Variants in MYO16 observed in about 807,000 individuals in gnomAD.
MYO16 encodes myosin XVI.
In MYO16, 94 loss-of-function variants were observed where a neutral mutation model predicts 205.3. The observed-to-expected ratio is 0.46, with a 90% CI of 0.39 to 0.54. MYO16 has a LOEUF of 0.54. Among genes scored for constraint, MYO16 ranks in the 20% least tolerant of loss-of-function variants. The probability of loss-of-function intolerance (pLI) is 0.00; values close to 1 mark genes in which losing one functional copy is unlikely to be tolerated. For synonymous variants in MYO16, 988 were observed against 954.0 expected (o/e 1.04, Z -0.66); for missense variants, 2,315 against 2,387.5 (o/e 0.97, Z 0.63).
chr13:108,623,215 T>C (rs544089974), intron 1 of MYO16, among the ~76,000 whole-genome samples: 1 of 152,294 alleles, frequency 6.6e-6, no homozygotes, highest in East Asian at 1.9e-4. Flanking sequence ...AAAATATTTA[T>C]GGAGAACAAT....
At chr13:108,764,314 G>A (rs80126443) in intron 4 of MYO16, among the ~76,000 whole-genome samples, 38 of 152,224 alleles carry the variant, frequency 2.5e-4, no homozygotes, top group African/African-American at 7.9e-4. Context: ...ACATCAATGC[G>A]ACACATTGAG....
At position 109,207,631 on chromosome 13, in the gene MYO16, C is replaced by T. The variant is rs898077320; in HGVS notation, c.*795C>T. 1 of 152,240 alleles carries T rather than the reference C, an allele frequency of 6.6e-6. No homozygotes were observed. Among genetic ancestry groups the T allele is most frequent in the Non-Finnish European group, 1.5e-5 (1 of 68,066 alleles). 9.4% of individuals were successfully genotyped at this position (152,240 alleles called of 1,614,324 possible). On this transcript the variant is annotated 3_prime_UTR_variant, in exon 35 of 35. Coordinates refer to ENST00000457511, the MANE Select transcript of MYO16 (RefSeq NM_001198950.3). ...GTTAAATTTCACCTCCCGACTTCAG[C>T]ATAGATCACAGGAAATCACATGGCA...
chr13:108,608,937 C>T (rs569373937), intron 1 of MYO16, among the ~76,000 whole-genome samples: 4 of 152,224 alleles, frequency 2.6e-5, no homozygotes, highest in South Asian at 4.2e-4. Flanking sequence ...AGCTACCCCA[C>T]GATGAGATTT....
intron 12 of MYO16, among the ~76,000 whole-genome samples, chr13:108,867,402 G>T (rs1182806961): frequency 6.6e-6 from 1 of 151,926 alleles, no homozygotes; most frequent in Non-Finnish European, 1.5e-5. Flanking sequence ...AAATTAAAAA[G>T]TCAGTGCCAT....
chr13:109,131,604 AT>A (rs1362256097), intron 31 of MYO16, among the ~76,000 whole-genome samples: 2 of 152,214 alleles, frequency 1.3e-5, no homozygotes, highest in East Asian at 3.9e-4. Flanking sequence ...TGCATGTGCC[AT>A]GTTGCTGAGA....
chr13:109,125,475 A>G lies in MYO16; in HGVS notation c.3782+117A>G. 3 of 1,358,662 alleles carry G rather than the reference A, an allele frequency of 2.2e-6. No individual in the cohort carries two copies. The highest frequency in any genetic ancestry group is 2.9e-5 in the South Asian group (2 of 69,858). The allele number at this position is 1,358,662 out of a possible 1,614,324, so 84.2% of individuals were successfully genotyped here. A position where few individuals can be genotyped will look rare whatever the true frequency, so the allele number is the denominator to read the frequency against. On this transcript the variant is annotated intron_variant, in intron 30 of 34. Transcript: ENST00000457511. This position sits in a 1 kb window ranked among gnomAD's most constrained non-coding sequence, Gnocchi z 4.0. ...CAAATATGACAGGAGTTGCAGGAAC[A>G]GGCATGCGTGGTTTGTTATTCGAAA... is the stretch of plus-strand genomic sequence containing the variant.
chr13:108,951,555 T>C (rs1883150378), intron 16 of MYO16, among the ~76,000 whole-genome samples: 3 of 152,180 alleles, frequency 2.0e-5, no homozygotes, highest in Admixed American at 1.3e-4. Flanking sequence ...ATTATGACTT[T>C]TATGTGATTT....
intron 2 of MYO16, among the ~76,000 whole-genome samples, chr13:108,668,469 G>C (rs557662390): frequency 6.6e-6 from 1 of 152,186 alleles, no homozygotes; most frequent in Non-Finnish European, 1.5e-5. Flanking sequence ...GACAAACAGC[G>C]TAAGTATTAC....
Position 108,781,260 on chromosome 13 carries a change from T to C in MYO16, c.508-4375T>C, listed in dbSNP as rs1204342924. 3.9e-5 allele frequency among the ~76,000 whole-genome samples: 6 copies of C among 152,318 alleles called. No individual in the cohort carries two copies. The East Asian group carries it at 1.2e-3, about 29-fold the overall frequency. ...AATGGCATCCCTGCAGTTCTGTCTG[T>C]TGTTAATTGATTGTTTAGCAGTCGA... is the stretch of plus-strand genomic sequence containing the variant. On this transcript the variant is annotated intron_variant, in intron 4 of 34. Coordinates refer to ENST00000457511, the MANE Select transcript of MYO16 (RefSeq NM_001198950.3).
At position 109,115,466 on chromosome 13, in the gene MYO16, ACT is replaced by A. The variant is rs1391362178; in HGVS notation, c.3439-4901_3439-4900del. On this transcript the variant is annotated intron_variant, in intron 28 of 34. Coordinates refer to ENST00000457511, the MANE Select transcript of MYO16 (RefSeq NM_001198950.3). ...TAACATTTTAATCTCAGCTAGGAAC[ACT>A]CTGCATCTAGCAGTGCACAGGGAGA... Among the ~76,000 whole-genome samples the A allele has an allele frequency of 3.9e-5, 6 of 152,226 alleles. 1 individual carries two copies. In the South Asian group the frequency reaches 8.3e-4, roughly 21 times the overall value.
chr13:109,051,825 A>G (rs1437261385), intron 24 of MYO16, among the ~76,000 whole-genome samples: 2 of 152,070 alleles, frequency 1.3e-5, no homozygotes, highest in East Asian at 3.9e-4. Flanking sequence ...TCACCTAGCA[A>G]CTGGTGCACC....
intron 23 of MYO16, among the ~76,000 whole-genome samples, chr13:109,027,263 C>T (rs1235901462): frequency 1.3e-5 from 2 of 152,178 alleles, no homozygotes; most frequent in Non-Finnish European, 2.9e-5. Flanking sequence ...TGTGTTCTCT[C>T]CTCTTCTCAC....
chr13:109,179,252 C>T (rs1406493466), intron 33 of MYO16, among the ~76,000 whole-genome samples: 1 of 152,164 alleles, frequency 6.6e-6, no homozygotes, highest in East Asian at 1.9e-4. Context: ...CTAGAAGTTT[C>T]CCTTCTCCCC....
chr13:108,848,864 T>C (rs1272022829), intron 10 of MYO16, among the ~76,000 whole-genome samples: 1 of 152,184 alleles, frequency 6.6e-6, no homozygotes, highest in Non-Finnish European at 1.5e-5. Context: ...GTTTCTTTTA[T>C]TTTGTATCCA....
chr13:109,165,190 A>G, intron 33 of MYO16, 131 bp downstream of exon 33: 2 of 631,444 alleles, frequency 3.2e-6, no homozygotes, highest in Non-Finnish European at 2.6e-6. Flanking sequence ...AAACCATGAA[A>G]CTCCCCTGCA....
chr13:108,551,561 T>C, the MYO16 span, among the ~76,000 whole-genome samples: 2 of 152,218 alleles, frequency 1.3e-5, no homozygotes, highest in African/African-American at 2.4e-5. Flanking sequence ...CCTATCTATG[T>C]ATCTCTAGAA....
At chr13:109,058,305 C>G (rs954781359) in intron 27 of MYO16, among the ~76,000 whole-genome samples, 2 of 152,082 alleles carry the variant, frequency 1.3e-5, no homozygotes, top group African/African-American at 4.8e-5. Context: ...TCCAGCCTCA[C>G]CCCAGGTTCA....
chr13:109,112,460 A>G (rs1889319072), intron 28 of MYO16, among the ~76,000 whole-genome samples: 2 of 152,258 alleles, frequency 1.3e-5, no homozygotes, highest in Admixed American at 1.3e-4. Context: ...AATATTTAAG[A>G]TTTAATTTTT....
chr13:109,126,858 A>G (rs968982097), intron 30 of MYO16, among the ~76,000 whole-genome samples: 6 of 152,216 alleles, frequency 3.9e-5, no homozygotes, highest in African/African-American at 1.4e-4. Flanking sequence ...ATGAACTCCC[A>G]GCATTTGATG....
Sources: allele counts gnomAD v4.1 joint callset (sites outside exome capture counted in the v4.1 genomes callset), GRCh38; gene constraint gnomAD v4.1.1; non-coding constraint Gnocchi (gnomAD v3.1); transcripts MANE v1.5; gene names NCBI Gene and HGNC (gene_info 2026-07-23, HGNC 2026-07-21).